TINAG: variants seen among roughly 807,000 people sequenced by gnomAD.
The protein encoded by TINAG is tubulointerstitial nephritis antigen.
A neutral mutation model predicts 72.7 loss-of-function variants in TINAG; 83 were observed. The ratio of observed to expected loss-of-function variants is 1.14; its 90% CI spans 0.96 to 1.37. The LOEUF is 1.37. Among genes scored for constraint, TINAG ranks in the 40% most tolerant of loss-of-function variants. The pLI is 0.00. For missense variants in TINAG, 685 were observed against 576.6 expected, an observed-to-expected ratio of 1.19 and a Z score of -1.93; for synonymous variants, 234 against 189.9, an observed-to-expected ratio of 1.23 and a Z score of -1.91.
At chr6:54,320,508 A>G (rs970997984) in intron 1 of TINAG, 71 bp from the exon 2 acceptor site, 4 of 1,248,876 alleles carry the variant, frequency 3.2e-6, no homozygotes, top group Non-Finnish European at 1.1e-6. Context: ...ATGATTTTTG[A>G]TTACATTTTA....
chr6:54,331,690 G>T (rs1784745932), intron 4 of TINAG, among the ~76,000 whole-genome samples: 1 of 152,184 alleles, frequency 6.6e-6, no homozygotes, highest in African/African-American at 2.4e-5. Flanking sequence ...CAGATGACAT[G>T]ATTGCATATT....
intron 9 of TINAG, among the ~76,000 whole-genome samples, chr6:54,370,382 A>G (rs1212403651): frequency 6.6e-6 from 1 of 152,054 alleles, no homozygotes; most frequent in Non-Finnish European, 1.5e-5. Flanking sequence ...ATGACTTCCA[A>G]AAATATTTGA....
At chr6:54,378,133 T>A (rs557284780) in intron 9 of TINAG, among the ~76,000 whole-genome samples, 1 of 152,322 alleles carries the variant, frequency 6.6e-6, no homozygotes, top group African/African-American at 2.4e-5. Flanking sequence ...GGCTGTAACA[T>A]AGGTGAACTA....
chr6:54,367,424 C>T (rs1430612510), intron 9 of TINAG, among the ~76,000 whole-genome samples: 3 of 151,718 alleles, frequency 2.0e-5, no homozygotes, highest in Non-Finnish European at 4.4e-5. Flanking sequence ...ATTTGCCTGA[C>T]CTTGAAGTGC....
rs1764198442 is a variant in TINAG at position 54,389,871 on chromosome 6, T to C, written c.1377T>C (p.Ile459=). ...TTCGAGGAGTAAATGAGTCCGACAT[T>C]GAAAAGTTGATTATCGCAGCTTGGG... The part of the protein sequence containing the change: ...RILRGVNESD[I]EKLIIAAWGQ... The change falls in exon 11 of 11, where the codon ATT becomes ATC. Residue 459 remains isoleucine (I), a synonymous_variant. Transcript: ENST00000259782. 8 of 1,610,992 alleles carry C rather than the reference T, an allele frequency of 5.0e-6. No individual in the cohort carries two copies. The highest frequency in any genetic ancestry group is 1.7e-4 in the Middle Eastern group (1 of 6,048).
At chr6:54,324,516 T>A (rs1282137588) in intron 3 of TINAG, among the ~76,000 whole-genome samples, 1 of 152,224 alleles carries the variant, frequency 6.6e-6, no homozygotes, top group African/African-American at 2.4e-5. Flanking sequence ...CTAGGCCAGC[T>A]TACATTCAAA....
intron 4 of TINAG, among the ~76,000 whole-genome samples, chr6:54,337,879 T>C (rs1381191827): frequency 1.7e-4 from 26 of 152,158 alleles, no homozygotes; most frequent in Admixed American, 1.7e-3. Flanking sequence ...TGTGTTTGTA[T>C]ATGTTTCCTT....
chr6:54,378,924 TTG>T (rs543523787), intron 9 of TINAG, among the ~76,000 whole-genome samples: 6 of 152,152 alleles, frequency 3.9e-5, no homozygotes, highest in Admixed American at 1.3e-4. Context: ...ACATTATATT[TTG>T]TGTGTGTGTG....
intron 9 of TINAG, among the ~76,000 whole-genome samples, chr6:54,362,522 C>T (rs909336062): frequency 6.6e-6 from 1 of 151,558 alleles, no homozygotes; most frequent in African/African-American, 2.4e-5. Context: ...GAAAATGCAC[C>T]TAATCACCTA....
intron 10 of TINAG, among the ~76,000 whole-genome samples, chr6:54,382,995 T>G (rs1462858554): frequency 1.3e-5 from 2 of 152,140 alleles, no homozygotes; most frequent in Admixed American, 6.6e-5. Flanking sequence ...TGGGCTGCAT[T>G]TCTTTTGAGA....
chr6:54,388,961 A>G (rs1198674408), intron 10 of TINAG, among the ~76,000 whole-genome samples: 2 of 152,058 alleles, frequency 1.3e-5, no homozygotes, highest in Non-Finnish European at 2.9e-5. Flanking sequence ...TATCCACTTG[A>G]TGTCATATAG....
In TINAG at chr6:54,322,494, G is replaced by T. The variant is rs575071194; in HGVS notation, c.509+1108G>T. On this transcript the variant is annotated intron_variant, in intron 3 of 10. Coordinates refer to ENST00000259782, the MANE Select transcript of TINAG (RefSeq NM_014464.4). ...CCTTGATAACATCTTCTACATTTCTGGAAAAGATTTCACATAAAAAGATCT... is the reference window on the plus strand; with the variant it reads ...CCTTGATAACATCTTCTACATTTCTTGAAAAGATTTCACATAAAAAGATCT... 2.0e-5 allele frequency among the ~76,000 whole-genome samples: 3 copies of T among 152,004 alleles called. No homozygotes were observed. The South Asian group carries it at 6.2e-4, about 32-fold the overall frequency.
intron 1 of TINAG, among the ~76,000 whole-genome samples, chr6:54,310,018 T>C (rs115371089): frequency 6.6e-6 from 1 of 151,698 alleles, no homozygotes; most frequent in Non-Finnish European, 1.5e-5. Context: ...CTTTCCCTTC[T>C]TCCCTCCCTC....
chr6:54,318,691 G>A (rs1784425099), intron 1 of TINAG, among the ~76,000 whole-genome samples: 1 of 152,110 alleles, frequency 6.6e-6, no homozygotes, highest in African/African-American at 2.4e-5. Context: ...GAAGCTACAT[G>A]ATGTATATTT....
intron 9 of TINAG, among the ~76,000 whole-genome samples, chr6:54,368,265 G>A (rs1237011665): frequency 6.8e-6 from 1 of 146,008 alleles, no homozygotes; most frequent in Admixed American, 6.9e-5. Flanking sequence ...ATATTATAAT[G>A]TATTATATAT....
chr6:54,350,625 T>C (rs1040515994), intron 7 of TINAG, among the ~76,000 whole-genome samples: 4 of 148,666 alleles, frequency 2.7e-5, no homozygotes, highest in African/African-American at 7.5e-5. Context: ...ATAATTCCTC[T>C]GATGCAAATG....
intron 4 of TINAG, among the ~76,000 whole-genome samples, chr6:54,342,415 G>A (rs1436292310): frequency 6.6e-6 from 1 of 150,814 alleles, no homozygotes; most frequent in Non-Finnish European, 1.5e-5. Context: ...CTGGAGAGCA[G>A]TAGCGCGATC....
intron 10 of TINAG, among the ~76,000 whole-genome samples, 173 bp from the exon 11 acceptor site, chr6:54,389,618 A>G (rs1487918281): frequency 6.6e-6 from 1 of 152,214 alleles, no homozygotes; most frequent in East Asian, 1.9e-4. Context: ...ATTCCTGCAT[A>G]TTAGTGTAGT....
rs536420698 is a variant in TINAG at position 54,341,418 on chromosome 6, T to G, written c.625-1808T>G. ...ACTTAGTTTTCTATGATACCATCCT[T>G]GAAGTTATCATGTAAGCACTTCACA... is the stretch of plus-strand genomic sequence containing the variant. On this transcript the variant is annotated intron_variant, in intron 4 of 10. Transcript: ENST00000259782. Among the ~76,000 whole-genome samples, 16 of 152,288 alleles carry G rather than the reference T, an allele frequency of 1.1e-4. No homozygotes were observed. In the South Asian group the frequency reaches 3.3e-3, roughly 32 times the overall value.
Sources: allele counts gnomAD v4.1 joint callset (sites outside exome capture counted in the v4.1 genomes callset), GRCh38; gene constraint gnomAD v4.1.1; transcripts MANE v1.5; gene names NCBI Gene and HGNC (gene_info 2026-07-23, HGNC 2026-07-21).